Variants in CFAP100 observed in about 807,000 individuals in gnomAD.
CFAP100 encodes the protein cilia and flagella associated protein 100, also known as cilia- and flagella-associated protein 100.
Under a neutral mutation model 81.5 loss-of-function variants are expected in CFAP100, and 70 were observed. The observed-to-expected ratio is 0.86, with a 90% confidence interval of 0.71 to 1.05. The LOEUF (loss-of-function observed/expected upper bound fraction) is 1.05, where lower values mean the gene tolerates loss of function less well. CFAP100 is among the 50% of genes least tolerant of loss of function. The probability of loss-of-function intolerance (pLI) is 0.00; values close to 1 mark genes in which losing one functional copy is unlikely to be tolerated. For synonymous variants in CFAP100, 341 were observed against 314.8 expected (o/e 1.08, Z -0.88); for missense variants, 811 against 776.5 (o/e 1.04, Z -0.53).
intron 2 of CFAP100, among the ~76,000 whole-genome samples, chr3:126,401,410 T>C (rs1223913695): frequency 7.3e-5 from 5 of 68,734 alleles, no homozygotes; most frequent in African/African-American, 2.9e-4. Context: ...TATATATATA[T>C]ATATATATAT....
chr3:126,430,117 T>C (rs901610194), intron 13 of CFAP100, among the ~76,000 whole-genome samples: 1 of 152,232 alleles, frequency 6.6e-6, no homozygotes, highest in African/African-American at 2.4e-5. Context: ...AATTTCATTA[T>C]AATATGTCCC....
chr3:126,415,078 G>A (rs2083212993), intron 4 of CFAP100, among the ~76,000 whole-genome samples: 1 of 152,078 alleles, frequency 6.6e-6, no homozygotes. Flanking sequence ...CCCACGCCTT[G>A]GCCACCCTAC....
rs2082978264 is a variant in CFAP100, at chr3:126,401,400, TATATATA to T, written c.49+5352_49+5358del. 3.6e-3 allele frequency among the ~76,000 whole-genome samples: 146 copies of T among 40,982 alleles called. 2 individuals carry two copies. The highest frequency in any genetic ancestry group is 0.011 in the African/African-American group (92 of 8,104). 26.9% of individuals were successfully genotyped at this position (40,982 alleles called of 152,430 possible). ...GCATAAAATGGCAAATCGTATTTTA[TATATATA>T]TATATATATATATATATATATATAT... On this transcript the variant is annotated intron_variant, in intron 2 of 16. Transcript: ENST00000352312.
At chr3:126,418,396 C>A in intron 5 of CFAP100, 62 bp from the exon 6 acceptor site, 1 of 1,519,044 alleles carries the variant, frequency 6.6e-7, no homozygotes, top group Non-Finnish European at 9.1e-7. Flanking sequence ...CTCTGCAGAC[C>A]TGCCAGGCCC....
chr3:126,401,007 A>G (rs1576614418), intron 2 of CFAP100, among the ~76,000 whole-genome samples: 5 of 152,236 alleles, frequency 3.3e-5, no homozygotes, highest in Admixed American at 1.3e-4. Context: ...TTCAGCCTCA[A>G]AAAGGAAGGG....
chr3:126,401,397 TTATATATA>T (rs58055481), intron 2 of CFAP100, among the ~76,000 whole-genome samples: 1,311 of 76,092 alleles, frequency 0.017, 18 homozygotes, highest in African/African-American at 0.024. Flanking sequence ...AAATCGTATT[TTATATATA>T]TATATATATA....
At position 126,423,620 on chromosome 3, in the gene CFAP100, C is replaced by G; in HGVS notation, c.1262C>G (p.Thr421Ser). Residue 421 changes from threonine (T) to serine (S), a missense_variant, in exon 13 of 17, where the codon ACC (threonine) becomes AGC (serine). Coordinates refer to ENST00000352312, the MANE Select transcript of CFAP100 (RefSeq NM_182628.3). ...TEKTLEELSH[T>S]LKHTQIRMDR... ...AAGACCCTGGAGGAGCTGAGCCACA[C>G]CCTGAAACACACCCAGATCCGCATG... The G allele has an allele frequency of 6.2e-7, 1 of 1,614,210 alleles. No homozygotes were observed. The highest frequency in any genetic ancestry group is 8.5e-7 in the Non-Finnish European group (1 of 1,180,036).
rs948821034 is a variant in CFAP100, at chr3:126,436,474, C to A, written c.*70C>A. 1.6e-6 allele frequency: 2 copies of A among 1,254,882 alleles called. No individual in the cohort carries two copies. The highest frequency in any genetic ancestry group is 2.3e-6 in the Non-Finnish European group (2 of 876,788). 77.7% of individuals were successfully genotyped at this position (1,254,882 alleles called of 1,614,324 possible). On this transcript the variant is annotated 3_prime_UTR_variant, in exon 17 of 17. Coordinates refer to ENST00000352312, the MANE Select transcript of CFAP100 (RefSeq NM_182628.3). ...GTTGGCAGAGGAAGCAGAGACTGGG[C>A]TGGGTCTCGAGTGGCCCAACTGAGT...
intron 4 of CFAP100, chr3:126,414,424 T>A: frequency 1.6e-6 from 1 of 627,820 alleles, no homozygotes; most frequent in Non-Finnish European, 2.9e-6. Flanking sequence ...GATAGACTTC[T>A]TGGGCTGCTG....
In CFAP100 at chr3:126,423,570, G is replaced by C. The variant is rs964734258; in HGVS notation, c.1212G>C (p.Leu404=). 2.5e-6 allele frequency: 4 copies of C among 1,613,696 alleles called. No individual in the cohort carries two copies. The highest frequency in any genetic ancestry group is 2.5e-6 in the Non-Finnish European group (3 of 1,179,770). The change falls in exon 13 of 17, where the codon CTG becomes CTC. Residue 404 remains leucine (L), a synonymous_variant. Transcript: ENST00000352312. The part of the protein sequence containing the change: ...FRELEEQNLS[L]IQNSQETEKT... Reference sequence around the variant, plus strand: ...AGCTGGAGGAGCAGAACCTGTCGCTGATCCAGAACAGCCAGGAGACGGAGA... The same window carrying C: ...AGCTGGAGGAGCAGAACCTGTCGCTCATCCAGAACAGCCAGGAGACGGAGA...
intron 2 of CFAP100, among the ~76,000 whole-genome samples, chr3:126,402,369 C>T (rs534500147): frequency 8.5e-5 from 13 of 152,156 alleles, no homozygotes; most frequent in African/African-American, 2.6e-4. Flanking sequence ...CAGGGCTGTG[C>T]GGGGGAAGCT....
intron 15 of CFAP100, 106 bp downstream of exon 15, chr3:126,434,487 C>A (rs1933367241): frequency 7.3e-6 from 8 of 1,094,330 alleles, no homozygotes; most frequent in Non-Finnish European, 9.2e-6. Context: ...ACAGGCCCCT[C>A]CTGCTCTGTG....
chr3:126,407,584 A>T (rs1471743684), intron 3 of CFAP100, among the ~76,000 whole-genome samples: 1 of 146,002 alleles, frequency 6.8e-6, no homozygotes, highest in African/African-American at 2.6e-5. Context: ...TAGGGCTTTC[A>T]TGCTCACAAA....
intron 15 of CFAP100, among the ~76,000 whole-genome samples, chr3:126,434,780 G>C (rs973243842): frequency 4.6e-5 from 7 of 152,134 alleles, no homozygotes; most frequent in Non-Finnish European, 7.4e-5. Flanking sequence ...GGCTGGACTG[G>C]AGGGGCTGGA....
At chr3:126,405,612 G>A (rs1015698878) in intron 2 of CFAP100, among the ~76,000 whole-genome samples, 9 of 152,150 alleles carry the variant, frequency 5.9e-5, no homozygotes, top group Non-Finnish European at 8.8e-5. Context: ...GCAGTGAGCC[G>A]AGATTGTGCT....
At chr3:126,419,955 G>A (rs1312127670) in intron 9 of CFAP100, 25 bp from the exon 10 acceptor site, 19 of 1,612,390 alleles carry the variant, frequency 1.2e-5, no homozygotes, top group East Asian at 6.7e-5. Flanking sequence ...TGAGGCCATC[G>A]GGGCCCCCCC....
intron 2 of CFAP100, among the ~76,000 whole-genome samples, chr3:126,403,746 T>C (rs957307154): frequency 6.6e-6 from 1 of 152,198 alleles, no homozygotes; most frequent in Non-Finnish European, 1.5e-5. Context: ...CTCTCCTGAA[T>C]TATTATAAAA....
At chr3:126,396,787 G>A (rs958193832) in intron 2 of CFAP100, 6 of 152,220 alleles carry the variant, frequency 3.9e-5, no homozygotes, top group African/African-American at 1.4e-4. Flanking sequence ...TAGTGGAATT[G>A]CATGCATTTG....
At chr3:126,415,148 G>A (rs1294156998) in intron 4 of CFAP100, among the ~76,000 whole-genome samples, 1 of 152,042 alleles carries the variant, frequency 6.6e-6, no homozygotes, top group Non-Finnish European at 1.5e-5. Context: ...CCTAGCTCGA[G>A]GCCTCCCCCA....
Sources: allele counts gnomAD v4.1 joint callset (sites outside exome capture counted in the v4.1 genomes callset), GRCh38; gene constraint gnomAD v4.1.1; transcripts MANE v1.5; gene names NCBI Gene and HGNC (gene_info 2026-07-23, HGNC 2026-07-21).